SVIL: variants seen among roughly 807,000 people sequenced by gnomAD.
SVIL encodes the protein archvillin.
A neutral mutation model predicts 240.4 loss-of-function variants in SVIL; 101 were observed. The ratio of observed to expected loss-of-function variants is 0.42; its 90% CI spans 0.36 to 0.50. The LOEUF (loss-of-function observed/expected upper bound fraction) is 0.50. Ranked by LOEUF, SVIL falls within the 20% of genes least tolerant of loss-of-function variation. The probability of loss-of-function intolerance (pLI) is 0.01; values close to 1 mark genes in which losing one functional copy is unlikely to be tolerated. For missense variants in SVIL, 2,512 were observed against 2,818.7 expected, an observed-to-expected ratio of 0.89 and a Z score of 2.46; for synonymous variants, 999 against 1,100.0, an observed-to-expected ratio of 0.91 and a Z score of 1.82.
rs1010545410 is a variant in SVIL, at chr10:29,523,672, C to G, written c.2942G>C (p.Arg981Pro). ...EAEASYPILN[R>P]AREGDSHKES... ...CTTATGGCTGTCTCCTTCCCTGGCT[C>G]GGTTCAGGATGGGGTAGGATGCTTC... The change falls in exon 15 of 38, where the codon CGA (arginine) becomes CCA (proline). Residue 981 changes from arginine to proline, a missense_variant. Physicochemically the swap from Arg to Pro is moderately radical, Grantham distance 103. Around this residue, in one of 3 missense-constraint regions of SVIL, gnomAD observed 1,443 missense variants for 1,486.6 expected, o/e 0.97. Transcript: ENST00000355867. 4.3e-6 allele frequency: 7 copies of G among 1,613,990 alleles called. No homozygotes were observed. The highest frequency in any genetic ancestry group is 5.1e-6 in the Non-Finnish European group (6 of 1,179,988).
chr10:29,569,012 A>G (rs1955236183), intron 2 of SVIL, among the ~76,000 whole-genome samples: 1 of 152,230 alleles, frequency 6.6e-6, no homozygotes, highest in Non-Finnish European at 1.5e-5. Flanking sequence ...GAGAAAGAAA[A>G]GATAATAGTC....
chr10:29,625,522 G>A (rs558261467), intron 1 of SVIL, among the ~76,000 whole-genome samples: 32 of 151,912 alleles, frequency 2.1e-4, no homozygotes, highest in Non-Finnish European at 4.3e-4. Context: ...GGAGTGCAGC[G>A]GCGCGATCTC....
At chr10:29,619,408 A>G (rs969265423) in intron 1 of SVIL, among the ~76,000 whole-genome samples, 35 of 152,232 alleles carry the variant, frequency 2.3e-4, no homozygotes, top group African/African-American at 8.2e-4. Context: ...GACGTATGAC[A>G]CATATTTACA....
At position 29,550,670 on chromosome 10, in the gene SVIL, A is replaced by C. The variant is rs755414793; in HGVS notation, c.754T>G (p.Ser252Ala). 15 of 1,613,826 alleles carry C rather than the reference A, an allele frequency of 9.3e-6. No homozygotes were observed. The highest frequency in any genetic ancestry group is 1.3e-5 in the Non-Finnish European group (15 of 1,179,902). ...VPRSPKHAHS[S>A]SLQQAASRSP... is the part of the protein sequence containing the mutation. ...CGGGAGGCTGCCTGCTGCAGGGAGGAGCTGTGGGCGTGCTTGGGGGACCGT... is the reference window on the plus strand; with the variant it reads ...CGGGAGGCTGCCTGCTGCAGGGAGGCGCTGTGGGCGTGCTTGGGGGACCGT... The change falls in exon 6 of 38, where the codon TCC (serine) becomes GCC (alanine). Residue 252 changes from serine to alanine, a missense_variant. This residue lies in a region of SVIL where 1,443 missense variants were observed against 1,486.6 expected (regional missense o/e 0.97). Transcript: ENST00000355867.
At chr10:29,639,703 G>A (rs573125375), upstream of SVIL, among the ~76,000 whole-genome samples, 143 of 152,222 alleles carry the variant, frequency 9.4e-4, no homozygotes, top group African/African-American at 3.3e-3. Context: ...CTAACCTCGC[G>A]TGATCTGCCC....
chr10:29,577,088 C>T (rs759324828), intron 1 of SVIL, among the ~76,000 whole-genome samples: 2 of 152,038 alleles, frequency 1.3e-5, no homozygotes, highest in East Asian at 1.9e-4. Flanking sequence ...ACCATGTTGA[C>T]CAGGAGGGTC....
intron 3 of SVIL, among the ~76,000 whole-genome samples, chr10:29,648,263 A>T (rs1003894670): frequency 6.6e-6 from 1 of 152,036 alleles, no homozygotes; most frequent in Non-Finnish European, 1.5e-5. Context: ...GCTCATGCAC[A>T]CTCATCAGAT....
intron 17 of SVIL, among the ~76,000 whole-genome samples, chr10:29,507,456 T>C (rs1358350334): frequency 6.6e-6 from 1 of 152,062 alleles, no homozygotes; most frequent in Non-Finnish European, 1.5e-5. Context: ...TGATCCTAAA[T>C]ATATGAAGAA....
chr10:29,530,426 A>G (rs978738351), intron 11 of SVIL, among the ~76,000 whole-genome samples, 181 bp downstream of exon 11: 1 of 152,166 alleles, frequency 6.6e-6, no homozygotes, highest in African/African-American at 2.4e-5. Context: ...GGCTGGGTCC[A>G]CAAGATTCCC....
intron 29 of SVIL, among the ~76,000 whole-genome samples, chr10:29,474,971 A>G (rs1453377856): frequency 1.3e-5 from 2 of 152,228 alleles, no homozygotes; most frequent in Non-Finnish European, 2.9e-5. Context: ...CTGGAACTGC[A>G]CAGGCACTCG....
At chr10:29,570,688 C>T (rs1955360881) in intron 1 of SVIL, among the ~76,000 whole-genome samples, 1 of 152,146 alleles carries the variant, frequency 6.6e-6, no homozygotes, top group Admixed American at 6.5e-5. Flanking sequence ...AGCATTTGAT[C>T]CAAAGTGTGG....
chr10:29,476,900 T>A (rs1946254295), intron 29 of SVIL, among the ~76,000 whole-genome samples: 8 of 152,172 alleles, frequency 5.3e-5, no homozygotes, highest in Admixed American at 5.2e-4. Context: ...TCTCACCCTG[T>A]TGCCCGGGCT....
upstream of SVIL, among the ~76,000 whole-genome samples, chr10:29,736,016 G>A (rs866461247): frequency 3.3e-5 from 5 of 152,268 alleles, no homozygotes; most frequent in Middle Eastern, 6.8e-3. Flanking sequence ...GGCAAGGATC[G>A]GGCGGAGAGG....
intron 1 of SVIL, among the ~76,000 whole-genome samples, chr10:29,585,766 G>A (rs1351073978): frequency 6.6e-6 from 1 of 152,232 alleles, no homozygotes; most frequent in Non-Finnish European, 1.5e-5. Context: ...AGGGAGGGGA[G>A]AACTGAAGCC....
chr10:29,575,907 G>A (rs920629791), intron 1 of SVIL, among the ~76,000 whole-genome samples: 2 of 151,950 alleles, frequency 1.3e-5, no homozygotes, highest in African/African-American at 2.4e-5. Flanking sequence ...TAGTCATTGA[G>A]GTCTAAATAC....
At chr10:29,716,437 G>A (rs896743821) in intron 1 of SVIL, among the ~76,000 whole-genome samples, 10 of 151,826 alleles carry the variant, frequency 6.6e-5, no homozygotes, top group African/African-American at 2.2e-4. Flanking sequence ...AATACAATCA[G>A]AACAGTCAAG....
chr10:29,684,686 A>T (rs1960925651), intron 2 of SVIL, among the ~76,000 whole-genome samples: 1 of 152,022 alleles, frequency 6.6e-6, no homozygotes, highest in Non-Finnish European at 1.5e-5. Flanking sequence ...AAGGTGCTAG[A>T]CTCTCAGCCA....
At chr10:29,578,940 A>C (rs1218684864) in intron 1 of SVIL, among the ~76,000 whole-genome samples, 5 of 135,952 alleles carry the variant, frequency 3.7e-5, no homozygotes, top group African/African-American at 1.4e-4. Context: ...TAAAATCTGA[A>C]GCCATGATGT....
intron 1 of SVIL, among the ~76,000 whole-genome samples, chr10:29,605,657 TTC>T (rs1191053608): frequency 6.7e-6 from 1 of 150,226 alleles, no homozygotes; most frequent in Admixed American, 6.6e-5. Flanking sequence ...AGTTTTTTTT[TTC>T]TCTTTAGTGG....
Sources: gnomAD v4.1 joint callset for allele counts (sites outside exome capture counted in the v4.1 genomes callset) on GRCh38, gnomAD v4.1.1 for gene constraint, gnomAD v4.1.1 regional missense constraint, MANE v1.5 for transcripts, NCBI Gene and HGNC (gene_info 2026-07-23, HGNC 2026-07-21) for gene names.